RPUSD3: variants seen among roughly 807,000 people sequenced by gnomAD.
RPUSD3 encodes mitochondrial mRNA pseudouridine synthase RPUSD3.
In RPUSD3, 36 loss-of-function variants were observed where a neutral mutation model predicts 35.1. The observed-to-expected ratio is 1.02, with a 90% CI of 0.79 to 1.35. The LOEUF is 1.35. RPUSD3 is among the 40% of genes most tolerant of loss of function. RPUSD3 has a pLI of 0.00. For missense variants in RPUSD3, 486 were observed against 441.9 expected (o/e 1.10, Z -0.89); for synonymous variants, 202 against 187.8 (o/e 1.08, Z -0.62).
rs994305049 is a variant in RPUSD3 at position 9,838,082 on chromosome 3, C to T, written c.990G>A (p.Glu330=). 3 of 1,611,534 alleles carry T rather than the reference C, an allele frequency of 1.9e-6. No individual in the cohort carries two copies. The African/African-American group carries it at 4.0e-5, about 22-fold the overall frequency. The change falls in exon 9 of 9, where the codon GAG becomes GAA. Residue 330 remains glutamate (E), a synonymous_variant. Transcript: ENST00000383820. ...AATAAGGGGGCAGTGGTGCCAGGAG[C>T]TCAACAGGGGTGTCCCTGGCCCTGG...
intron 2 of RPUSD3, 28 bp from the exon 3 acceptor site, chr3:9,842,271 CA>C: frequency 2.5e-6 from 4 of 1,613,302 alleles, no homozygotes; most frequent in Non-Finnish European, 1.7e-6. Flanking sequence ...CGAACATCAG[CA>C]AAAGCAACGG....
chr3:9,838,148 C>CA lies in RPUSD3; in HGVS notation c.923dup (p.Pro309AlafsTer22). The CA allele has an allele frequency of 6.2e-7, 1 of 1,612,196 alleles. No homozygotes were observed. Among genetic ancestry groups the CA allele is most frequent in the Non-Finnish European group, 8.5e-7 (1 of 1,179,932 alleles). On this transcript the variant is annotated frameshift_variant, in exon 9 of 9. Coordinates refer to ENST00000383820, the Ensembl canonical transcript of RPUSD3. LOFTEE classifies it high-confidence loss of function. Reference sequence around the variant, plus strand: ...GCCGATGTAGGTGGAGGTGCAAGGGCAGCTGGGCAGCCTGGGAGGGGGTCA... The same window carrying CA: ...GCCGATGTAGGTGGAGGTGCAAGGGCAAGCTGGGCAGCCTGGGAGGGGGTCA...
At chr3:9,843,174 G>A (rs939328512) in intron 2 of RPUSD3, 55 of 415,382 alleles carry the variant, frequency 1.3e-4, no homozygotes, top group Non-Finnish European at 2.0e-4. Flanking sequence ...TTACAGGCGT[G>A]AGCCACCGCG....
At chr3:9,842,750 G>A (rs911164729) in intron 2 of RPUSD3, 8 of 160,986 alleles carry the variant, frequency 5.0e-5, no homozygotes, top group African/African-American at 1.9e-4. Context: ...AAATAGTTGA[G>A]AAAAGGAATA....
exon 8 of RPUSD3, chr3:9,839,090 C>G: frequency 6.2e-7 from 1 of 1,614,216 alleles, no homozygotes; most frequent in Non-Finnish European, 8.5e-7. Context: ...CAGGACAGTG[C>G]CCACACGGGC....
intron 8 of RPUSD3, among the ~76,000 whole-genome samples, chr3:9,838,474 G>A (rs541599673): frequency 3.9e-5 from 6 of 152,254 alleles, no homozygotes; most frequent in South Asian, 4.2e-4. Context: ...TTGGTGAGAC[G>A]TGAGTGAGCT....
At chr3:9,842,112 GGCCAAAGCTTCAT>G in intron 3 of RPUSD3, 30 bp from the exon 4 acceptor site, 1 of 1,608,840 alleles carries the variant, frequency 6.2e-7, no homozygotes, top group Non-Finnish European at 8.5e-7. Context: ...AATTACAAGA[GGCCAAAGCTTCAT>G]GCCTTCACTT....
intron 8 of RPUSD3, 53 bp downstream of exon 8, chr3:9,838,979 G>A: frequency 6.2e-7 from 1 of 1,612,588 alleles, no homozygotes; most frequent in Non-Finnish European, 8.5e-7. Flanking sequence ...TGCTGCCCAT[G>A]CTCACCTCTC....
chr3:9,841,035 G>A (rs73116175), intron 4 of RPUSD3: 32 of 358,560 alleles, frequency 8.9e-5, no homozygotes, highest in South Asian at 3.8e-4. Flanking sequence ...GCCAAATGTC[G>A]TAACGATTGT....
exon 8 of RPUSD3, chr3:9,839,093 A>T (rs768585585): frequency 6.2e-7 from 1 of 1,614,224 alleles, no homozygotes; most frequent in Non-Finnish European, 8.5e-7. Context: ...GACAGTGCCC[A>T]CACGGGCAGA....
intron 1 of RPUSD3, 49 bp downstream of exon 1, chr3:9,843,840 TC>T (rs2082140342): frequency 1.3e-6 from 2 of 1,565,712 alleles, no homozygotes; most frequent in African/African-American, 1.4e-5. Context: ...GCACGTGCCT[TC>T]CCCCTGCCCT....
chr3:9,843,614 G>A lies in RPUSD3; in HGVS notation c.126-13C>T. The A allele has an allele frequency of 1.9e-6, 3 of 1,613,222 alleles. No individual in the cohort carries two copies. Among genetic ancestry groups the A allele is most frequent in the East Asian group, 2.2e-5 (1 of 44,862 alleles). On this transcript the variant is annotated splice_polypyrimidine_tract_variant and intron_variant, in intron 1 of 8. Transcript: ENST00000383820. ...TTGCCTCTGATGCCTGGACAAGGAG[G>A]GAGAAGCAATGGGAGTCATTCCATC...
chr3:9,843,866 A>G, intron 1 of RPUSD3, 24 bp downstream of exon 1: 2 of 1,590,856 alleles, frequency 1.3e-6, no homozygotes, highest in South Asian at 2.3e-5. Flanking sequence ...TCCGTCCCGC[A>G]TGAGAGAGGG....
At chr3:9,841,136 C>A (rs920840378) in intron 4 of RPUSD3, 2 of 194,776 alleles carry the variant, frequency 1.0e-5, no homozygotes, top group Non-Finnish European at 2.1e-5. Flanking sequence ...TGTGGAACTG[C>A]AGAAATATTT....
chr3:9,843,396 G>C (rs2082130740), intron 2 of RPUSD3, 69 bp downstream of exon 2: 1 of 1,594,448 alleles, frequency 6.3e-7, no homozygotes. Context: ...TGGCTTCAAT[G>C]GAGAGCCCAA....
intron 1 of RPUSD3, 113 bp from the exon 2 acceptor site, chr3:9,843,714 T>A: frequency 1.3e-6 from 2 of 1,547,816 alleles, no homozygotes; most frequent in Non-Finnish European, 1.7e-6. Context: ...CCTCACAATG[T>A]CTGGGCTGAC....
Position 9,837,851 on chromosome 3 carries a change from A to AG in RPUSD3, c.*164dup, listed in dbSNP as rs2082043068. 4.6e-6 allele frequency: 3 copies of AG among 647,380 alleles called. 1 individual carries two copies. The Admixed American group carries it at 9.8e-5, about 21-fold the overall frequency. The allele number at this position is 647,380 out of a possible 1,614,324, so 40.1% of individuals were successfully genotyped here. A position where few individuals can be genotyped will look rare whatever the true frequency, so the allele number is the denominator to read the frequency against. On this transcript the variant is annotated 3_prime_UTR_variant, in exon 9 of 9. Coordinates refer to ENST00000383820, the Ensembl canonical transcript of RPUSD3. ...AGCAAATCCTCAAAACCATAACATG[A>AG]GGTAGGAACTTTTATTATCACAAGT...
At chr3:9,839,033 T>C (rs758760890) in exon 8 of RPUSD3, 2 of 1,614,022 alleles carry the variant, frequency 1.2e-6, no homozygotes, top group African/African-American at 1.3e-5. Flanking sequence ...CTGGAGTACC[T>C]GTCTTTGGGG....
chr3:9,843,235 A>G (rs751712388), intron 2 of RPUSD3: 32 of 585,340 alleles, frequency 5.5e-5, no homozygotes, highest in Non-Finnish European at 4.5e-5. Context: ...AGCGCCGGCT[A>G]TGTGCAAGGC....
Sources: gnomAD v4.1 joint callset for allele counts (sites outside exome capture counted in the v4.1 genomes callset) on GRCh38, gnomAD v4.1.1 for gene constraint, MANE v1.5 for transcripts, NCBI Gene and HGNC (gene_info 2026-07-23, HGNC 2026-07-21) for gene names.